LHCGR: variants seen among roughly 807,000 people sequenced by gnomAD.
The protein encoded by LHCGR is luteinizing hormone/choriogonadotropin receptor, also known as lutropin-choriogonadotropic hormone receptor.
In LHCGR, 55 loss-of-function variants were observed where a neutral mutation model predicts 60.7. That is an observed-to-expected ratio of 0.91 (90% CI 0.73 to 1.13). The LOEUF (loss-of-function observed/expected upper bound fraction) is 1.13, where lower values mean the gene tolerates loss of function less well. Among genes scored for constraint, LHCGR ranks in the 50% most tolerant of loss-of-function variants. The pLI is 0.00. For synonymous variants in LHCGR, 337 were observed against 316.5 expected (o/e 1.06, Z -0.69); for missense variants, 862 against 836.0 (o/e 1.03, Z -0.38).
chr2:48,695,691 A>G (rs972599652), intron 9 of LHCGR, among the ~76,000 whole-genome samples: 6 of 152,226 alleles, frequency 3.9e-5, no homozygotes, highest in Non-Finnish European at 1.5e-5. Context: ...GTACATATAT[A>G]CAATGTAATT....
intron 8 of LHCGR, among the ~76,000 whole-genome samples, chr2:48,705,135 A>G (rs1304023015): frequency 6.6e-6 from 1 of 152,070 alleles, no homozygotes; most frequent in Non-Finnish European, 1.5e-5. Flanking sequence ...TTTTGCCTTC[A>G]TTTCGTTATG....
chr2:48,752,171 A>G (rs990973270), intron 1 of LHCGR, among the ~76,000 whole-genome samples: 1 of 152,234 alleles, frequency 6.6e-6, no homozygotes, highest in Non-Finnish European at 1.5e-5. Context: ...TTCATAAAAT[A>G]TGAAAGGGGA....
At position 48,694,282 on chromosome 2, in the gene LHCGR, A is replaced by G. The variant is rs1476682496; in HGVS notation, c.889T>C (p.Ser297Pro). ...TCACATTGTTTGGAAAAGTTTTCAG[A>G]AATGGAATGTGAAAAATTCTGTCTG... The part of the protein sequence containing the change: ...TKEQNFSHSI[S>P]ENFSKQCEST... The change falls in exon 10 of 11, where the codon TCT (serine) becomes CCT (proline). Residue 297 changes from serine to proline, a missense_variant. Ser to Pro is a moderately conservative substitution (Grantham distance 74). Transcript: ENST00000294954. The G allele has an allele frequency of 1.9e-6, 3 of 1,600,620 alleles. No homozygotes were observed. The highest frequency in any genetic ancestry group is 2.6e-6 in the Non-Finnish European group (3 of 1,169,828).
intron 1 of LHCGR, among the ~76,000 whole-genome samples, chr2:48,738,445 G>C (rs187761606): frequency 6.6e-6 from 1 of 152,000 alleles, no homozygotes; most frequent in Non-Finnish European, 1.5e-5. Context: ...TCACTCCATC[G>C]TTGCTTTCCC....
intron 9 of LHCGR, among the ~76,000 whole-genome samples, chr2:48,697,393 T>C (rs965811308): frequency 1.3e-5 from 2 of 152,222 alleles, no homozygotes; most frequent in African/African-American, 4.8e-5. Context: ...ATTGGCTCTC[T>C]TGTGTGTTGC....
At position 48,755,510 on chromosome 2, in the gene LHCGR, C is replaced by CA; in HGVS notation, c.161dup (p.Ser55IlefsTer19). ...CCGCGACGGGAGCGCTGTGTACTCA[C>CA]AGTCGAGTGAGACCGGCCGTGGGGC... On this transcript the variant is annotated frameshift_variant and splice_region_variant. Coordinates refer to ENST00000294954, the MANE Select transcript of LHCGR (RefSeq NM_000233.4). LOFTEE classifies it high-confidence loss of function. 1 of 1,538,426 alleles carries CA rather than the reference C, an allele frequency of 6.5e-7. No individual in the cohort carries two copies. The highest frequency in any genetic ancestry group is 8.8e-7 in the Non-Finnish European group (1 of 1,140,658).
chr2:48,741,129 GA>G (rs1375475123), intron 1 of LHCGR, among the ~76,000 whole-genome samples: 1 of 151,960 alleles, frequency 6.6e-6, no homozygotes, highest in African/African-American at 2.4e-5. Flanking sequence ...AGTGAGAAGG[GA>G]AGTTTAGAGA....
chr2:48,740,567 C>A (rs1001217539), intron 1 of LHCGR, among the ~76,000 whole-genome samples: 30 of 152,150 alleles, frequency 2.0e-4, no homozygotes, highest in Non-Finnish European at 3.5e-4. Flanking sequence ...GGGAGGCACC[C>A]CCCAGTAGGG....
At chr2:48,696,014 A>G (rs564721105) in intron 9 of LHCGR, among the ~76,000 whole-genome samples, 1 of 152,286 alleles carries the variant, frequency 6.6e-6, no homozygotes, top group South Asian at 2.1e-4. Flanking sequence ...ATAAAAGTTG[A>G]ATCAAAAAAA....
At chr2:48,733,909 G>T (rs903296647) in intron 1 of LHCGR, among the ~76,000 whole-genome samples, 2 of 152,062 alleles carry the variant, frequency 1.3e-5, no homozygotes, top group African/African-American at 4.8e-5. Flanking sequence ...CCCTTTGAAG[G>T]TGTCCCACTC....
intron 3 of LHCGR, among the ~76,000 whole-genome samples, chr2:48,725,975 T>C (rs1459303727): frequency 1.3e-5 from 2 of 151,914 alleles, no homozygotes; most frequent in African/African-American, 4.8e-5. Flanking sequence ...TCTAAAGAGG[T>C]GGGTATAAGG....
At position 48,726,292 on chromosome 2, in the gene LHCGR, A is replaced by G. The variant is rs74935026; in HGVS notation, c.309-542T>C. Among the ~76,000 whole-genome samples, 162 of 152,282 alleles carry G rather than the reference A, an allele frequency of 1.1e-3. 1 individual carries two copies. In the Middle Eastern group the frequency reaches 0.014, roughly 13 times the overall value. ...GGATTTTATACTCATGCTGAAGATA[A>G]TTTGCTGTGTCATGATGTCCAGCCT... On this transcript the variant is annotated intron_variant, in intron 3 of 10. Coordinates refer to ENST00000294954, the MANE Select transcript of LHCGR (RefSeq NM_000233.4).
chr2:48,698,372 T>C (rs1387888110), intron 9 of LHCGR, among the ~76,000 whole-genome samples: 2 of 152,200 alleles, frequency 1.3e-5, no homozygotes. Context: ...TCTAATTCAG[T>C]TTACCCAGAA....
At chr2:48,746,667 T>C (rs1669722449) in intron 1 of LHCGR, among the ~76,000 whole-genome samples, 1 of 152,226 alleles carries the variant, frequency 6.6e-6, no homozygotes, top group African/African-American at 2.4e-5. Flanking sequence ...ATGTCATTTG[T>C]GCAACAAGTA....
chr2:48,746,221 G>C (rs11695955), intron 1 of LHCGR, among the ~76,000 whole-genome samples: 1 of 152,042 alleles, frequency 6.6e-6, no homozygotes, highest in Non-Finnish European at 1.5e-5. Context: ...GGGTGGATAG[G>C]TTCCATACTT....
chr2:48,722,023 G>C (rs184497949), intron 6 of LHCGR, among the ~76,000 whole-genome samples: 1 of 152,130 alleles, frequency 6.6e-6, no homozygotes, highest in Middle Eastern at 3.2e-3. Flanking sequence ...GGTGGCACAC[G>C]CCTGTAGTCC....
chr2:48,711,496 C>T (rs140393956), intron 7 of LHCGR, among the ~76,000 whole-genome samples: 5 of 152,256 alleles, frequency 3.3e-5, no homozygotes, highest in Non-Finnish European at 7.3e-5. Context: ...CTCTTTCTTG[C>T]AACAGTGAGA....
chr2:48,725,611 T>C, intron 4 of LHCGR, 65 bp downstream of exon 4: 2 of 1,116,160 alleles, frequency 1.8e-6, no homozygotes, highest in South Asian at 2.5e-5. Context: ...ACCTTTTCCT[T>C]GTTTTGATTT....
intron 9 of LHCGR, among the ~76,000 whole-genome samples, chr2:48,697,732 A>G (rs1290178813): frequency 2.0e-5 from 3 of 152,352 alleles, no homozygotes; most frequent in Non-Finnish European, 4.4e-5. Context: ...GGCTGCAATA[A>G]TAACCCTTTA....
Sources: allele counts gnomAD v4.1 joint callset (sites outside exome capture counted in the v4.1 genomes callset), GRCh38; gene constraint gnomAD v4.1.1; transcripts MANE v1.5; gene names NCBI Gene and HGNC (gene_info 2026-07-23, HGNC 2026-07-21).